RRM2: variants seen among roughly 807,000 people sequenced by gnomAD.
RRM2 encodes ribonucleoside-diphosphate reductase subunit M2.
Under a neutral mutation model 45.9 loss-of-function variants are expected in RRM2, and 6 were observed. The ratio of observed to expected loss-of-function variants is 0.13; its 90% CI spans 0.07 to 0.26. The LOEUF (loss-of-function observed/expected upper bound fraction) is 0.26, where lower values mean the gene tolerates loss of function less well. RRM2 is among the 10% of genes least tolerant of loss of function. RRM2 has a pLI of 1.00. For missense variants in RRM2, 343 were observed against 489.5 expected (o/e 0.70, Z 2.82); for synonymous variants, 177 against 173.0 (o/e 1.02, Z -0.18).
intron 3 of RRM2, among the ~76,000 whole-genome samples, chr2:10,150,644 C>T (rs1663289228): frequency 1.3e-5 from 2 of 152,166 alleles, no homozygotes; most frequent in East Asian, 3.9e-4. Flanking sequence ...GACATCCTGT[C>T]ACCCTCCACA....
chr2:10,155,422 G>C (rs1391241060), intron 3 of RRM2, among the ~76,000 whole-genome samples: 1 of 152,172 alleles, frequency 6.6e-6, no homozygotes, highest in African/African-American at 2.4e-5. Flanking sequence ...GGTGAGCCAG[G>C]GGGCAGCCCG....
chr2:10,183,058 C>A (rs1195795393), intron 3 of RRM2, among the ~76,000 whole-genome samples: 1 of 152,132 alleles, frequency 6.6e-6, no homozygotes, highest in Non-Finnish European at 1.5e-5. Flanking sequence ...GCGTACCCAG[C>A]TACTTGGGAG....
intron 3 of RRM2, among the ~76,000 whole-genome samples, chr2:10,190,161 GTGATGGTGGTGGTGATGGTTA>G (rs892879852): frequency 5.4e-5 from 7 of 129,344 alleles, no homozygotes; most frequent in South Asian, 2.8e-4. Context: ...GGTATTGGTG[GTGATGGTGGTGGTGATGGTTA>G]TGATGGTGGT....
chr2:10,199,817 T>C (rs1664508666), intron 3 of RRM2, among the ~76,000 whole-genome samples: 1 of 71,030 alleles, frequency 1.4e-5, no homozygotes. Flanking sequence ...AAACAAATCA[T>C]GGTATGACTA....
intron 3 of RRM2, among the ~76,000 whole-genome samples, chr2:10,179,772 A>T (rs965458170): frequency 1.3e-5 from 2 of 152,208 alleles, no homozygotes; most frequent in Admixed American, 6.5e-5. Context: ...AAAAATCCTG[A>T]GTTGAACCAT....
intron 3 of RRM2, among the ~76,000 whole-genome samples, chr2:10,178,403 A>G (rs1028547523): frequency 6.6e-6 from 1 of 151,734 alleles, no homozygotes; most frequent in Non-Finnish European, 1.5e-5. Context: ...TTGTATTTTT[A>G]GTAGAGACAG....
At position 10,177,708 on chromosome 2, in the gene RRM2, T is replaced by TCC. The variant is rs1558398474; in HGVS notation, n.483-32602_483-32601insCC. On this transcript the variant is annotated intron_variant and non_coding_transcript_variant, in intron 3 of 3. Transcript: ENST00000381786. ...CTTCCTTCCTTCCTTCCTTCCTTCC[T>TCC]CTCTCCCTCCCTCCCTCCCTCTCTC... Among the ~76,000 whole-genome samples the TCC allele has an allele frequency of 4.3e-3, 626 of 144,686 alleles. 8 individuals carry two copies. Among genetic ancestry groups the TCC allele is most frequent in the African/African-American group, 0.016 (596 of 38,064 alleles). 94.9% of individuals were successfully genotyped at this position (144,686 alleles called of 152,430 possible).
Position 10,169,297 on chromosome 2 carries a change from C to T in RRM2, n.482+26922C>T, listed in dbSNP as rs958694053. ...CCAGCTGCTTCTCTTTGTAAGTTCC[C>T]AAGTTGAAGCACCCCCTTCAGGTGT... is the stretch of plus-strand genomic sequence containing the variant. On this transcript the variant is annotated intron_variant and non_coding_transcript_variant, in intron 3 of 3. Coordinates refer to the RRM2 transcript ENST00000381786. This position sits in a 1 kb window ranked among gnomAD's most constrained non-coding sequence, Gnocchi z 5.1. Among the ~76,000 whole-genome samples the T allele has an allele frequency of 1.6e-4, 24 of 152,014 alleles. No homozygotes were observed. Among genetic ancestry groups the T allele is most frequent in the Non-Finnish European group, 2.8e-4 (19 of 68,006 alleles).
intron 3 of RRM2, chr2:10,155,589 TCTC>T (rs1254342301): frequency 3.3e-5 from 5 of 152,304 alleles, no homozygotes. Flanking sequence ...GTTCCCGGGC[TCTC>T]CTCCACCCTC....
At chr2:10,155,818 G>A (rs527701266) in intron 3 of RRM2, 2 of 152,192 alleles carry the variant, frequency 1.3e-5, no homozygotes, top group African/African-American at 4.8e-5. Flanking sequence ...GGGAAGCAGC[G>A]CTGAGTCAGG....
rs1048061514 is a variant in RRM2, at chr2:10,209,057, C to CTTTCTTT, written n.483-1251_483-1250insCTTTTTT. The stretch of plus-strand genomic sequence containing the variant: ...TCTTTCTTTCTTTCTTTCTTTCTTT[C>CTTTCTTT]TTTTTTTTTTTTTTTTGAGATGAAG... On this transcript the variant is annotated intron_variant and non_coding_transcript_variant, in intron 3 of 3. Coordinates refer to the RRM2 transcript ENST00000381786. 1.3e-4 allele frequency among the ~76,000 whole-genome samples: 13 copies of CTTTCTTT among 102,488 alleles called. 1 individual carries two copies. The highest frequency in any genetic ancestry group is 8.5e-4 in the Admixed American group (9 of 10,548). 67.2% of individuals were successfully genotyped at this position (102,488 alleles called of 152,430 possible).
intron 3 of RRM2, among the ~76,000 whole-genome samples, chr2:10,190,811 G>C (rs886901391): frequency 6.6e-6 from 1 of 151,366 alleles, no homozygotes; most frequent in African/African-American, 2.4e-5. Flanking sequence ...TGGTGGTGAT[G>C]AGTGTGATGA....
intron 3 of RRM2, among the ~76,000 whole-genome samples, chr2:10,196,621 G>A (rs775175602): frequency 1.3e-5 from 2 of 150,932 alleles, no homozygotes; most frequent in African/African-American, 2.4e-5. Flanking sequence ...ATCCCATGGG[G>A]GGCCGGGCTC....
At chr2:10,170,537 CAA>C (rs990630799) in intron 3 of RRM2, among the ~76,000 whole-genome samples, 9 of 152,146 alleles carry the variant, frequency 5.9e-5, no homozygotes, top group African/African-American at 2.2e-4. Flanking sequence ...AGGAGGGGAA[CAA>C]GAGAGAATGA....
chr2:10,191,205 G>A (rs2125329111), intron 3 of RRM2, among the ~76,000 whole-genome samples: 1 of 152,344 alleles, frequency 6.6e-6, no homozygotes, highest in East Asian at 1.9e-4. Context: ...CCCCAGCTGT[G>A]CCTATCAGCC....
upstream of RRM2, chr2:10,122,725 G>T: frequency 6.4e-7 from 1 of 1,551,648 alleles, no homozygotes; most frequent in Non-Finnish European, 8.7e-7. Context: ...GGCTGCTGGA[G>T]TGAGGGGTCG....
At chr2:10,173,570 C>A in intron 3 of RRM2, among the ~76,000 whole-genome samples, 1 of 152,364 alleles carries the variant, frequency 6.6e-6, no homozygotes, top group African/African-American at 2.4e-5. Flanking sequence ...TCCCACCACC[C>A]CTGGGCAGGG....
intron 3 of RRM2, among the ~76,000 whole-genome samples, chr2:10,151,801 G>C (rs573098119): frequency 6.6e-6 from 1 of 152,240 alleles, no homozygotes; most frequent in South Asian, 2.1e-4. Context: ...TTAGCCCTCC[G>C]AGTGGGTGTC....
intron 3 of RRM2, among the ~76,000 whole-genome samples, chr2:10,188,905 G>T (rs976769422): frequency 2.0e-5 from 3 of 152,150 alleles, no homozygotes; most frequent in Non-Finnish European, 4.4e-5. Flanking sequence ...AGTCCTGGCC[G>T]CATTTGGAGG....
Sources: gnomAD v4.1 joint callset for allele counts (sites outside exome capture counted in the v4.1 genomes callset) on GRCh38, gnomAD v4.1.1 for gene constraint, Gnocchi (gnomAD v3.1) non-coding constraint, MANE v1.5 for transcripts, NCBI Gene and HGNC (gene_info 2026-07-23, HGNC 2026-07-21) for gene names.